MOCOS: variants seen among roughly 807,000 people sequenced by gnomAD.
The protein encoded by MOCOS is human molybdenum cofactor sulfurase.
A neutral mutation model predicts 83.6 loss-of-function variants in MOCOS; 86 were observed. The observed-to-expected ratio is 1.03, with a 90% CI of 0.86 to 1.23. The LOEUF (loss-of-function observed/expected upper bound fraction) is 1.23, where lower values mean the gene tolerates loss of function less well. Among genes scored for constraint, MOCOS ranks in the 50% most tolerant of loss-of-function variants. MOCOS has a pLI of 0.00. For missense variants in MOCOS, 1,120 were observed against 1,126.9 expected (o/e 0.99, Z 0.09); for synonymous variants, 445 against 434.7 (o/e 1.02, Z -0.29).
At chr18:36,204,975 AGAGT>A (rs56830378) in intron 5 of MOCOS, 98 bp from the exon 6 acceptor site, 58,678 of 1,005,872 alleles carry the variant, frequency 0.058, 3,316 homozygotes, top group African/African-American at 0.17. Context: ...CCTGGGTGAC[AGAGT>A]GAGTGAGACC....
At chr18:36,195,815 A>G (rs1232787328) in intron 2 of MOCOS, among the ~76,000 whole-genome samples, 3 of 152,242 alleles carry the variant, frequency 2.0e-5, no homozygotes, top group Non-Finnish European at 4.4e-5. Context: ...ACCTTAAGTG[A>G]ACTCCAAATA....
chr18:36,242,538 C>T (rs1232201140), intron 9 of MOCOS, among the ~76,000 whole-genome samples: 1 of 152,186 alleles, frequency 6.6e-6, no homozygotes, highest in Non-Finnish European at 1.5e-5. Flanking sequence ...ATGCCCCAAA[C>T]TCCTGGTACC....
intron 9 of MOCOS, among the ~76,000 whole-genome samples, chr18:36,243,463 C>G (rs2091591464): frequency 6.6e-6 from 1 of 152,106 alleles, no homozygotes; most frequent in South Asian, 2.1e-4. Context: ...GTATGAAACC[C>G]AGTTGATCAT....
chr18:36,249,573 G>T (rs545237823), intron 10 of MOCOS, among the ~76,000 whole-genome samples: 1 of 152,162 alleles, frequency 6.6e-6, no homozygotes, highest in African/African-American at 2.4e-5. Flanking sequence ...AGGCCTCATA[G>T]GGAGGGAAAA....
At chr18:36,219,921 C>G (rs1409748389) in intron 8 of MOCOS, 134 bp from the exon 9 acceptor site, 1 of 1,159,044 alleles carries the variant, frequency 8.6e-7, no homozygotes, top group Non-Finnish European at 1.3e-6. Context: ...AGTTTCTTCT[C>G]TTCCTCCCTT....
chr18:36,262,248 T>TACACACACACACACACACACACACACA (rs1188729473), intron 13 of MOCOS, among the ~76,000 whole-genome samples: 13 of 2,208 alleles, frequency 5.9e-3, no homozygotes, highest in Admixed American at 0.016. Context: ...TTCGTCTCTC[T>TACACACACACACACACACACACACACA]CTACACACAC....
At chr18:36,201,663 CAAAA>C (rs200846253) in intron 4 of MOCOS, among the ~76,000 whole-genome samples, 13,644 of 70,104 alleles carry the variant, frequency 0.19, 1,214 homozygotes, top group African/African-American at 0.32. Flanking sequence ...ACTCCATCTC[CAAAA>C]AAAAAAAAAA....
At chr18:36,205,937 A>G (rs8086125) in intron 6 of MOCOS, among the ~76,000 whole-genome samples, 14,065 of 152,010 alleles carry the variant, frequency 0.093, 858 homozygotes, top group African/African-American at 0.17. Flanking sequence ...ACGGGGTTTC[A>G]CCATTTTGGC....
rs781686541 is a variant in MOCOS at position 36,257,102 on chromosome 18, A to G, written c.2270+29A>G. ...AGACCTCATACCTCGGGACTAGCAG[A>G]CAAGCATAACCATTTGCCACTGGGA... On this transcript the variant is annotated intron_variant, in intron 12 of 14. Transcript: ENST00000261326. 6.3e-6 allele frequency: 10 copies of G among 1,580,728 alleles called. No homozygotes were observed. In the East Asian group the frequency reaches 1.1e-4, roughly 18 times the overall value.
intron 9 of MOCOS, among the ~76,000 whole-genome samples, chr18:36,222,822 G>A (rs1374768389): frequency 2.0e-5 from 3 of 152,060 alleles, no homozygotes; most frequent in South Asian, 2.1e-4. Context: ...GGATGGTCTC[G>A]ATTTCCTGAC....
chr18:36,214,986 C>G (rs1249078876), intron 7 of MOCOS, among the ~76,000 whole-genome samples: 2 of 152,228 alleles, frequency 1.3e-5, no homozygotes, highest in African/African-American at 4.8e-5. Flanking sequence ...TGCAGGGGCA[C>G]TCAAGCTGAC....
chr18:36,261,278 G>T (rs1478428768), intron 13 of MOCOS, among the ~76,000 whole-genome samples: 1 of 152,086 alleles, frequency 6.6e-6, no homozygotes, highest in Non-Finnish European at 1.5e-5. Context: ...GACATTCAAA[G>T]AATATGACCA....
At chr18:36,242,121 G>A (rs1031357211) in intron 9 of MOCOS, among the ~76,000 whole-genome samples, 12 of 152,318 alleles carry the variant, frequency 7.9e-5, no homozygotes, top group African/African-American at 2.4e-4. Context: ...CTACAGCAGC[G>A]TTGAATTTCT....
chr18:36,228,118 A>AC (rs1396863218), intron 9 of MOCOS, among the ~76,000 whole-genome samples: 1 of 152,206 alleles, frequency 6.6e-6, no homozygotes, highest in Non-Finnish European at 1.5e-5. Context: ...GCAAATCAAA[A>AC]CCACAATGAG....
chr18:36,269,025 ATT>A lies in MOCOS; in HGVS notation c.*343_*344del, dbSNP rs2091691058. The A allele has an allele frequency of 3.3e-6, 1 of 303,916 alleles. No homozygotes were observed. Among genetic ancestry groups the A allele is most frequent in the Non-Finnish European group, 6.2e-6 (1 of 160,470 alleles). 18.8% of individuals were successfully genotyped at this position (303,916 alleles called of 1,614,324 possible). On this transcript the variant is annotated 3_prime_UTR_variant, in exon 15 of 15. Transcript: ENST00000261326. The stretch of plus-strand genomic sequence containing the variant: ...ACTTACTGCGGGTCCCTATTTTGCC[ATT>A]TTCTCACATTGTTACTTTGTTTTTA...
intron 1 of MOCOS, among the ~76,000 whole-genome samples, chr18:36,194,324 CAAAAT>C (rs761443327): frequency 2.0e-5 from 3 of 152,164 alleles, no homozygotes; most frequent in Non-Finnish European, 2.9e-5. Context: ...CTACACAAAA[CAAAAT>C]ATTTGATAAG....
Position 36,198,505 on chromosome 18 carries a change from C to A in MOCOS, c.233-185C>A, listed in dbSNP as rs73430959. On this transcript the variant is annotated intron_variant, in intron 2 of 14. Transcript: ENST00000261326. ...TTTCTGAATAAAGCTACGAACATTC[C>A]CATGCAAGTCTGTATGGACATAAGT... 0.084 allele frequency among the ~76,000 whole-genome samples: 12,757 copies of A among 152,188 alleles called. 696 individuals are homozygous for A. The highest frequency in any genetic ancestry group is 0.14 in the African/African-American group (5,885 of 41,494).
chr18:36,194,953 C>T (rs113832031), intron 1 of MOCOS, among the ~76,000 whole-genome samples: 1 of 152,202 alleles, frequency 6.6e-6, no homozygotes, highest in African/African-American at 2.4e-5. Flanking sequence ...TGTGAAACAG[C>T]TTTGCCATCA....
intron 9 of MOCOS, 74 bp from the exon 10 acceptor site, chr18:36,248,848 T>G: frequency 8.1e-7 from 1 of 1,239,234 alleles, no homozygotes; most frequent in Admixed American, 1.8e-5. Flanking sequence ...ACTACAGCTT[T>G]GTAGTATATT....
Sources: gnomAD v4.1 joint callset for allele counts (sites outside exome capture counted in the v4.1 genomes callset) on GRCh38, gnomAD v4.1.1 for gene constraint, MANE v1.5 for transcripts, NCBI Gene and HGNC (gene_info 2026-07-23, HGNC 2026-07-21) for gene names.